Variants in GRK4 observed in about 807,000 individuals in gnomAD.
The protein encoded by GRK4 is G protein-coupled receptor kinase 2-like.
Under a neutral mutation model 77.9 loss-of-function variants are expected in GRK4, and 73 were observed. The ratio of observed to expected loss-of-function variants is 0.94; its 90% CI spans 0.78 to 1.14. The LOEUF (loss-of-function observed/expected upper bound fraction) is 1.14. Among genes scored for constraint, GRK4 ranks in the 50% most tolerant of loss-of-function variants. GRK4 has a pLI of 0.00. For missense variants in GRK4, 729 were observed against 700.2 expected, an observed-to-expected ratio of 1.04 and a Z score of -0.46; for synonymous variants, 257 against 254.4, an observed-to-expected ratio of 1.01 and a Z score of -0.10.
intron 1 of GRK4, among the ~76,000 whole-genome samples, chr4:2,973,101 C>T (rs1577958054): frequency 1.3e-5 from 2 of 152,350 alleles, no homozygotes; most frequent in African/African-American, 2.4e-5. Context: ...TCACCTCCAC[C>T]ACCTCACCAA....
chr4:2,983,050 T>C (rs902786183), intron 1 of GRK4, among the ~76,000 whole-genome samples: 1 of 152,240 alleles, frequency 6.6e-6, no homozygotes, highest in Middle Eastern at 3.2e-3. Flanking sequence ...CCAGAGCTCA[T>C]GATCTCAGTT....
intron 9 of GRK4, among the ~76,000 whole-genome samples, chr4:3,020,197 G>A (rs1735679224): frequency 6.6e-6 from 1 of 152,028 alleles, no homozygotes; most frequent in Admixed American, 6.5e-5. Flanking sequence ...TAGAGATGGG[G>A]GTCTCACCAT....
chr4:3,013,106 C>T (rs554609023), intron 7 of GRK4, among the ~76,000 whole-genome samples: 50 of 151,832 alleles, frequency 3.3e-4, no homozygotes, highest in Middle Eastern at 3.4e-3. Flanking sequence ...TGCAGTGGCG[C>T]GATCTCGGCT....
intron 8 of GRK4, 127 bp downstream of exon 8, chr4:3,013,955 G>T: frequency 9.8e-7 from 1 of 1,025,598 alleles, no homozygotes. Flanking sequence ...AGTTTATGTG[G>T]GGGTTTGCTC....
chr4:3,021,386 C>T (rs563664156), intron 9 of GRK4, among the ~76,000 whole-genome samples: 5 of 152,260 alleles, frequency 3.3e-5, no homozygotes, highest in South Asian at 2.1e-4. Flanking sequence ...AACTGCTCCC[C>T]GTGTTGTCTG....
chr4:3,017,923 G>A (rs1001825066), intron 8 of GRK4, among the ~76,000 whole-genome samples: 2 of 152,032 alleles, frequency 1.3e-5, no homozygotes, highest in Non-Finnish European at 2.9e-5. Context: ...AATGAGGCTA[G>A]ATACCTGCTG....
At chr4:2,987,124 C>T (rs769221055) in intron 2 of GRK4, 24 of 518,614 alleles carry the variant, frequency 4.6e-5, no homozygotes, top group Admixed American at 1.6e-4. Context: ...CCTTCCTGCC[C>T]GCTACCTCCA....
intron 15 of GRK4, among the ~76,000 whole-genome samples, chr4:3,039,592 G>C: frequency 6.6e-6 from 1 of 151,472 alleles, no homozygotes; most frequent in East Asian, 1.9e-4. Flanking sequence ...CAGCTACCTG[G>C]GAGTCTGAGG....
At chr4:3,004,612 T>A (rs1000554867) in intron 5 of GRK4, among the ~76,000 whole-genome samples, 8 of 152,210 alleles carry the variant, frequency 5.3e-5, no homozygotes, top group African/African-American at 1.9e-4. Context: ...TTTGTATATG[T>A]ATTATATGCT....
chr4:3,030,924 C>T (rs1738985202), intron 12 of GRK4, among the ~76,000 whole-genome samples: 1 of 152,042 alleles, frequency 6.6e-6, no homozygotes, highest in East Asian at 1.9e-4. Flanking sequence ...AATGAATGGA[C>T]AGGGAGGAGG....
intron 12 of GRK4, among the ~76,000 whole-genome samples, chr4:3,031,453 G>A (rs1739142031): frequency 1.3e-5 from 2 of 152,156 alleles, no homozygotes; most frequent in South Asian, 2.1e-4. Context: ...ACACCTGGAC[G>A]GTGCAGGCTC....
chr4:2,981,452 C>T (rs922266572), intron 1 of GRK4, among the ~76,000 whole-genome samples: 4 of 152,122 alleles, frequency 2.6e-5, no homozygotes, highest in South Asian at 4.1e-4. Flanking sequence ...ATCATCCCAT[C>T]GTCTGTGCAG....
intron 1 of GRK4, among the ~76,000 whole-genome samples, chr4:2,969,539 G>A (rs1718834482): frequency 6.6e-6 from 1 of 151,932 alleles, no homozygotes. Context: ...ACCACGCCCG[G>A]CTAATTTTGT....
intron 1 of GRK4, among the ~76,000 whole-genome samples, chr4:2,977,120 G>A (rs907932703): frequency 6.6e-6 from 1 of 152,134 alleles, no homozygotes; most frequent in Non-Finnish European, 1.5e-5. Flanking sequence ...CCAGGAACAG[G>A]CGGCCTTTCA....
chr4:2,971,706 A>C (rs1169540176), intron 1 of GRK4, among the ~76,000 whole-genome samples: 1 of 152,232 alleles, frequency 6.6e-6, no homozygotes, highest in African/African-American at 2.4e-5. Flanking sequence ...GCCGGAGTGC[A>C]AAATCAAGTT....
chr4:2,963,883 G>T lies in GRK4; in HGVS notation c.-188G>T, dbSNP rs1716472496. On this transcript the variant is annotated 5_prime_UTR_variant, in exon 1 of 16. Coordinates refer to ENST00000398052, the MANE Select transcript of GRK4 (RefSeq NM_182982.3). ...CGCTCCCCTGCTGGTGAGGGCCTGCGGAGGCGGCGGCGGCGGCGCCCTTGG... is the reference window on the plus strand; with the variant it reads ...CGCTCCCCTGCTGGTGAGGGCCTGCTGAGGCGGCGGCGGCGGCGCCCTTGG... 4.6e-6 allele frequency: 3 copies of T among 655,680 alleles called. No individual in the cohort carries two copies. Among genetic ancestry groups the T allele is most frequent in the Non-Finnish European group, 8.1e-6 (3 of 370,120 alleles). The allele number at this position is 655,680 out of a possible 1,614,324, so 40.6% of individuals were successfully genotyped here.
intron 8 of GRK4, among the ~76,000 whole-genome samples, chr4:3,015,421 C>T (rs951405974): frequency 1.3e-5 from 2 of 152,192 alleles, no homozygotes; most frequent in African/African-American, 4.8e-5. Context: ...CGCGGTGGCT[C>T]ACGCCTGTAA....
chr4:3,006,619 C>T (rs75223803), intron 5 of GRK4, among the ~76,000 whole-genome samples: 1,546 of 151,378 alleles, frequency 0.01, 28 homozygotes, highest in African/African-American at 0.036. Context: ...GTCTGTAATA[C>T]AAAAATTAGC....
At chr4:2,987,665 G>T (rs951548950) in intron 2 of GRK4, among the ~76,000 whole-genome samples, 1 of 152,198 alleles carries the variant, frequency 6.6e-6, no homozygotes, top group Admixed American at 6.5e-5. Flanking sequence ...TGTTGGCCAG[G>T]CGCAGTGGCT....
Sources: allele counts gnomAD v4.1 joint callset (sites outside exome capture counted in the v4.1 genomes callset), GRCh38; gene constraint gnomAD v4.1.1; transcripts MANE v1.5; gene names NCBI Gene and HGNC (gene_info 2026-07-23, HGNC 2026-07-21).